The following PEX16 variants were observed in gnomAD, a reference collection of about 807,000 sequenced individuals.
PEX16 encodes the protein peroxin 16.
A neutral mutation model predicts 50.5 loss-of-function variants in PEX16; 37 were observed. The observed-to-expected ratio is 0.73, with a 90% CI of 0.56 to 0.96. The LOEUF is 0.96. PEX16 is among the 40% of genes least tolerant of loss of function. PEX16 has a pLI of 0.00. For missense variants in PEX16, 401 were observed against 438.3 expected (o/e 0.91, Z 0.76); for synonymous variants, 185 against 190.3 (o/e 0.97, Z 0.23).
Position 45,915,505 on chromosome 11 carries a change from G to A in PEX16, c.423C>T (p.Ile141=), listed in dbSNP as rs754277134. Residue 141 remains isoleucine (I), a synonymous_variant, in exon 5 of 11, where the codon ATC becomes ATT. Coordinates refer to ENST00000378750, the MANE Select transcript of PEX16 (RefSeq NM_004813.4). ...FKAGLQTSPP[I]VPLDRETQAQ... ...CCTGGGTCTCTCTGTCCAGTGGAACGATAGGGGGTGAAGTCTGGAGGCCAG... is the reference window on the plus strand; with the variant it reads ...CCTGGGTCTCTCTGTCCAGTGGAACAATAGGGGGTGAAGTCTGGAGGCCAG... 1.4e-5 allele frequency: 22 copies of A among 1,614,040 alleles called. No individual in the cohort carries two copies. The highest frequency in any genetic ancestry group is 1.3e-4 in the African/African-American group (10 of 74,936).
At chr11:45,916,136 C>G in intron 3 of PEX16, 91 bp downstream of exon 3, 1 of 950,414 alleles carries the variant, frequency 1.1e-6, no homozygotes. Flanking sequence ...TCTCATACTC[C>G]ATGAGACATG....
Position 45,915,706 on chromosome 11 carries a change from G to A in PEX16, c.356C>T (p.Ala119Val). The A allele has an allele frequency of 6.2e-7, 1 of 1,614,064 alleles. No individual in the cohort carries two copies. Among genetic ancestry groups the A allele is most frequent in the Non-Finnish European group, 8.5e-7 (1 of 1,179,986 alleles). ...CCTCTCCACAATCCCAACCTACTTGGCCAGCTGGACGAGGGCGATGACAAG... is the reference window on the plus strand; with the variant it reads ...CCTCTCCACAATCCCAACCTACTTGACCAGCTGGACGAGGGCGATGACAAG... ...RWLVIALVQL[A>V]KAVLRMLLLL... is the part of the protein sequence containing the mutation. The change falls in exon 4 of 11, where the codon GCC becomes GTC. Residue 119 changes from alanine to valine, a missense_variant. Ala to Val is a moderately conservative substitution (Grantham distance 64). Transcript: ENST00000378750.
chr11:45,916,293 G>A lies in PEX16; in HGVS notation c.159C>T (p.Ala53=), dbSNP rs1253098001. 6.2e-7 allele frequency: 1 copy of A among 1,613,792 alleles called. No individual in the cohort carries two copies. Among genetic ancestry groups the A allele is most frequent in the Non-Finnish European group, 8.5e-7 (1 of 1,179,888 alleles). ...SHELSELVYS[A]SNLLVLLNDG... ...CATTGAGCAGCACAAGCAGGTTAGA[G>A]GCAGAGTACACTGAGGGGTAGAGAG... The change falls in exon 3 of 11, where the codon GCC becomes GCT. Residue 53 remains alanine (A), a synonymous_variant. Transcript: ENST00000378750.
chr11:45,917,009 C>T (rs1373860420), intron 2 of PEX16: 3 of 471,070 alleles, frequency 6.4e-6, no homozygotes, highest in Non-Finnish European at 1.3e-5. Context: ...TCTTTCAGGA[C>T]TGTGACAGCA....
rs375099703 is a variant in PEX16 at position 45,910,079 on chromosome 11, G to T, written c.*175C>A. ...GCGGGCTGCAGTGGCATCGTCACAG[G>T]AGAGCGCAGTCAAGGGTGTCCTGGG... On this transcript the variant is annotated 3_prime_UTR_variant, in exon 11 of 11. Coordinates refer to ENST00000378750, the MANE Select transcript of PEX16 (RefSeq NM_004813.4). 6.3e-4 allele frequency: 1,010 copies of T among 1,608,722 alleles called. 2 individuals are homozygous for T. Among genetic ancestry groups the T allele is most frequent in the Non-Finnish European group, 7.8e-4 (924 of 1,177,884 alleles).
intron 9 of PEX16, 85 bp from the exon 10 acceptor site, chr11:45,911,047 C>A: frequency 1.1e-6 from 1 of 921,984 alleles, no homozygotes; most frequent in Non-Finnish European, 1.8e-6. Flanking sequence ...CCTTCACTGA[C>A]CACCGTGCCG....
At chr11:45,917,373 G>A in intron 2 of PEX16, 85 bp downstream of exon 2, 7 of 1,299,358 alleles carry the variant, frequency 5.4e-6, no homozygotes, top group Non-Finnish European at 4.5e-6. Context: ...CCAGGTCCTC[G>A]GGCTGGGGTG....
At chr11:45,912,933 T>C (rs1034452242) in intron 9 of PEX16, among the ~76,000 whole-genome samples, 1 of 152,066 alleles carries the variant, frequency 6.6e-6, no homozygotes, top group African/African-American at 2.4e-5. Context: ...CTGATCCTCA[T>C]GCCTCAGCTT....
Position 45,914,469 on chromosome 11 carries a change from C to T in PEX16, c.542-1G>A. 6.2e-7 allele frequency: 1 copy of T among 1,607,812 alleles called. No individual in the cohort carries two copies. Among genetic ancestry groups the T allele is most frequent in the Non-Finnish European group, 8.5e-7 (1 of 1,179,816 alleles). ...CAGTGCCTGGAGTGCAGGGACGGCG[C>T]TAGAACACAAGGGCGGCAGATGAGC... On this transcript the variant is annotated splice_acceptor_variant, in intron 6 of 10. Transcript: ENST00000378750. LOFTEE classifies it high-confidence loss of function.
chr11:45,909,663 T>A lies in PEX16; in HGVS notation c.*591A>T. The A allele has an allele frequency of 4.5e-6, 1 of 224,272 alleles. No homozygotes were observed. The highest frequency in any genetic ancestry group is 2.3e-5 in the African/African-American group (1 of 44,402). 13.9% of individuals were successfully genotyped at this position (224,272 alleles called of 1,614,324 possible). A position where few individuals can be genotyped will look rare whatever the true frequency, so the allele number is the denominator to read the frequency against. On this transcript the variant is annotated 3_prime_UTR_variant, in exon 11 of 11. Transcript: ENST00000378750. ...CAGTGCTGGCCAGTGCCCGATGTCC[T>A]TTTTCTAAGGGAGAAAAGCCTTTTA...
intron 10 of PEX16, 66 bp from the exon 11 acceptor site, chr11:45,910,378 G>T: frequency 7.5e-7 from 1 of 1,338,320 alleles, no homozygotes; most frequent in Non-Finnish European, 1.1e-6. Context: ...GCCACATACA[G>T]CACCTCACCC....
chr11:45,913,829 G>A lies in PEX16; in HGVS notation c.877C>T (p.Arg293Cys), dbSNP rs544053792. 2.5e-4 allele frequency: 404 copies of A among 1,613,996 alleles called. No homozygotes were observed. The highest frequency in any genetic ancestry group is 5.1e-4 in the East Asian group (23 of 44,880). The change falls in exon 9 of 11, where the codon CGC becomes TGC. Residue 293 changes from arginine (R) to cysteine (C), a missense_variant. Coordinates refer to ENST00000378750, the MANE Select transcript of PEX16 (RefSeq NM_004813.4). ...YYLLRSPFYD[R>C]FSEARILFLL... ...GTCCTGGGTGCTTACTCGGAGAAGC[G>A]GTCATAGAAAGGAGAGCGCAGCAGG...
Position 45,914,665 on chromosome 11 carries a change from G to T in PEX16, c.480C>A (p.Gly160=). 6.2e-7 allele frequency: 1 copy of T among 1,614,070 alleles called. No homozygotes were observed. Among genetic ancestry groups the T allele is most frequent in the South Asian group, 1.1e-5 (1 of 91,088 alleles). The change falls in exon 6 of 11, where the codon GGC becomes GGA. Residue 160 remains glycine (G), a synonymous_variant. Transcript: ENST00000378750. ...TCCCCACGTAGGACTGCTCATGGTT[G>T]CCAGGGCTGTGGTCACCATCTAGCA... ...AQPPDGDHSP[G]NHEQSYVGKR...
At position 45,917,850 on chromosome 11, in the gene PEX16, C is replaced by G; in HGVS notation, c.-39G>C. 2 of 1,412,778 alleles carry G rather than the reference C, an allele frequency of 1.4e-6. No homozygotes were observed. Among genetic ancestry groups the G allele is most frequent in the Non-Finnish European group, 1.9e-6 (2 of 1,034,646 alleles). The allele number at this position is 1,412,778 out of a possible 1,614,324, so 87.5% of individuals were successfully genotyped here. ...CCGACAGACCCACAGAAGGACCGTA[C>G]GACAGGCTGCGGCGCCCTGCTTCCT... On this transcript the variant is annotated 5_prime_UTR_variant, in exon 1 of 11. Transcript: ENST00000378750.
intron 1 of PEX16, 60 bp from the exon 2 acceptor site, chr11:45,917,553 G>T: frequency 6.3e-7 from 1 of 1,599,070 alleles, no homozygotes; most frequent in Non-Finnish European, 8.6e-7. Flanking sequence ...TCGTCTTCGG[G>T]TCCCGGAAAT....
At chr11:45,915,944 T>G (rs1590796966) in intron 3 of PEX16, 108 bp from the exon 4 acceptor site, 1 of 1,118,844 alleles carries the variant, frequency 8.9e-7, no homozygotes, top group East Asian at 2.3e-5. Context: ...CCTTCCCCTT[T>G]CCAAGCCTAA....
intron 9 of PEX16, chr11:45,912,053 G>A (rs2086784399): frequency 6.6e-6 from 1 of 152,164 alleles, no homozygotes; most frequent in Non-Finnish European, 1.5e-5. Context: ...AAAGAAGAAG[G>A]CTGGCTGGGT....
Position 45,913,929 on chromosome 11 carries a change from G to A in PEX16, c.777C>T (p.Leu259=). Residue 259 remains leucine (L), a synonymous_variant, in exon 9 of 11, where the codon CTC becomes CTT. Transcript: ENST00000378750. ...AGVVDVTSLS[L]LSDRKGLTRR... Reference sequence around the variant, plus strand: ...GGGTCAGGCCCTTTCTGTCACTCAGGAGGCTCAGGCTGGGAGGCAGGGAGG... The same window carrying A: ...GGGTCAGGCCCTTTCTGTCACTCAGAAGGCTCAGGCTGGGAGGCAGGGAGG... 6.2e-7 allele frequency: 1 copy of A among 1,612,816 alleles called. No homozygotes were observed. Among genetic ancestry groups the A allele is most frequent in the Non-Finnish European group, 8.5e-7 (1 of 1,179,972 alleles).
At position 45,909,979 on chromosome 11, in the gene PEX16, A is replaced by C; in HGVS notation, c.*275T>G. 1.0e-6 allele frequency: 1 copy of C among 1,000,662 alleles called. No homozygotes were observed. Among genetic ancestry groups the C allele is most frequent in the Admixed American group, 1.7e-5 (1 of 57,594 alleles). 62.0% of individuals were successfully genotyped at this position (1,000,662 alleles called of 1,614,324 possible). ...CAGCTTCCCGGGCTCCATGAGGTGAAGTCACCGCTTTCTGTGGGAGAGGAG... is the reference window on the plus strand; with the variant it reads ...CAGCTTCCCGGGCTCCATGAGGTGACGTCACCGCTTTCTGTGGGAGAGGAG... On this transcript the variant is annotated 3_prime_UTR_variant, in exon 11 of 11. Coordinates refer to ENST00000378750, the MANE Select transcript of PEX16 (RefSeq NM_004813.4).
Sources: allele counts gnomAD v4.1 joint callset (sites outside exome capture counted in the v4.1 genomes callset), GRCh38; gene constraint gnomAD v4.1.1; transcripts MANE v1.5; gene names NCBI Gene and HGNC (gene_info 2026-07-23, HGNC 2026-07-21).